ARHGEF3: variants seen among roughly 807,000 people sequenced by gnomAD.
The protein encoded by ARHGEF3 is 59.8 kDA protein.
ARHGEF3 carries 28 observed loss-of-function variants against 63.2 expected under a neutral mutation model. The ratio of observed to expected loss-of-function variants is 0.44; its 90% CI spans 0.33 to 0.61. The LOEUF (loss-of-function observed/expected upper bound fraction) is 0.61, where lower values mean the gene tolerates loss of function less well. Ranked by LOEUF, ARHGEF3 falls within the 20% of genes least tolerant of loss-of-function variation. ARHGEF3 has a pLI of 0.03. For missense variants in ARHGEF3, 533 were observed against 659.3 expected (o/e 0.81, Z 2.10); for synonymous variants, 266 against 254.2 (o/e 1.05, Z -0.44).
chr3:56,977,334 C>T (rs1701164831), intron 2 of ARHGEF3: 1 of 456,572 alleles, frequency 2.2e-6, no homozygotes, highest in South Asian at 1.5e-5. Flanking sequence ...GCCCCATTCT[C>T]TTGGGCCCCT....
At chr3:56,918,439 AAAG>A (rs1485309300) in intron 3 of ARHGEF3, among the ~76,000 whole-genome samples, 11 of 152,230 alleles carry the variant, frequency 7.2e-5, no homozygotes, top group African/African-American at 2.7e-4. Context: ...ACTGAATGGG[AAAG>A]AAGAACTGAA....
At chr3:56,919,596 C>T (rs1354035) in intron 3 of ARHGEF3, among the ~76,000 whole-genome samples, 41,988 of 152,024 alleles carry the variant, frequency 0.28, 6,484 homozygotes, top group Middle Eastern at 0.35. Flanking sequence ...TTCTCATTGT[C>T]CATTCCTCTT....
intron 4 of ARHGEF3, among the ~76,000 whole-genome samples, chr3:56,816,270 C>T (rs2038267114): frequency 6.6e-6 from 1 of 152,076 alleles, no homozygotes; most frequent in South Asian, 2.1e-4. Flanking sequence ...GATGCTAAAC[C>T]ACAGGCTTCT....
chr3:56,883,580 A>G (rs2040836104), intron 3 of ARHGEF3, among the ~76,000 whole-genome samples: 1 of 152,196 alleles, frequency 6.6e-6, no homozygotes, highest in Non-Finnish European at 1.5e-5. Flanking sequence ...TACAGGAGTG[A>G]ACCATTGAGC....
At chr3:56,787,534 A>G (rs767157797) in intron 1 of ARHGEF3, among the ~76,000 whole-genome samples, 1 of 152,100 alleles carries the variant, frequency 6.6e-6, no homozygotes, top group Non-Finnish European at 1.5e-5. Context: ...CATCTATGCC[A>G]TACAGCAACC....
chr3:56,957,943 A>T (rs1177380801), intron 3 of ARHGEF3, among the ~76,000 whole-genome samples: 5 of 152,166 alleles, frequency 3.3e-5, no homozygotes, highest in African/African-American at 9.7e-5. Context: ...TATCATCACT[A>T]TTATGCTGAG....
At chr3:57,026,398 C>G (rs1044064195) in intron 2 of ARHGEF3, among the ~76,000 whole-genome samples, 2 of 152,150 alleles carry the variant, frequency 1.3e-5, no homozygotes, top group African/African-American at 4.8e-5. Flanking sequence ...GAGACTCTGT[C>G]TCTTAAAATA....
chr3:56,844,969 T>G (rs2039437745), intron 4 of ARHGEF3, among the ~76,000 whole-genome samples: 2 of 152,164 alleles, frequency 1.3e-5, no homozygotes, highest in Admixed American at 6.5e-5. Flanking sequence ...GGTTATGTAC[T>G]CATATTTTGA....
intron 1 of ARHGEF3, among the ~76,000 whole-genome samples, chr3:56,799,521 G>C (rs2037536791): frequency 6.6e-6 from 1 of 152,152 alleles, no homozygotes; most frequent in Non-Finnish European, 1.5e-5. Flanking sequence ...AATACTTTCA[G>C]AGGAATTAAC....
intron 3 of ARHGEF3, among the ~76,000 whole-genome samples, chr3:56,898,884 G>A (rs1271521504): frequency 2.0e-5 from 3 of 151,984 alleles, no homozygotes; most frequent in South Asian, 2.1e-4. Context: ...GTGAAACCCC[G>A]TCTCTACTAA....
intron 2 of ARHGEF3, among the ~76,000 whole-genome samples, chr3:56,965,834 G>C (rs1700473016): frequency 6.6e-6 from 1 of 151,774 alleles, no homozygotes; most frequent in African/African-American, 2.4e-5. Flanking sequence ...ATTTTTATTA[G>C]AGATGTGGTT....
At chr3:56,992,375 TAAAAA>T (rs57740672) in intron 2 of ARHGEF3, among the ~76,000 whole-genome samples, 567 of 45,992 alleles carry the variant, frequency 0.012, 2 homozygotes, top group Non-Finnish European at 0.027. Context: ...AGGATGGCTT[TAAAAA>T]AAAAAAAAAA....
chr3:57,073,410 C>A (rs890799001), intron 1 of ARHGEF3: 2 of 357,992 alleles, frequency 5.6e-6, no homozygotes, highest in Admixed American at 8.6e-5. Context: ...AGTTGGGCAG[C>A]GTGGGAAGCT....
intron 7 of ARHGEF3, among the ~76,000 whole-genome samples, chr3:56,744,661 C>G (rs928461189): frequency 6.6e-6 from 1 of 152,030 alleles, no homozygotes; most frequent in Non-Finnish European, 1.5e-5. Context: ...CCACCTCGGC[C>G]TCCCAAAGTG....
intron 7 of ARHGEF3, among the ~76,000 whole-genome samples, chr3:56,739,964 A>T (rs182629742): frequency 3.1e-3 from 461 of 150,942 alleles, no homozygotes; most frequent in Non-Finnish European, 5.3e-3. Context: ...CAATGGCACG[A>T]TCTTGGCTCA....
chr3:56,906,428 C>T (rs2108322824), intron 3 of ARHGEF3, among the ~76,000 whole-genome samples: 1 of 152,298 alleles, frequency 6.6e-6, no homozygotes, highest in South Asian at 2.1e-4. Flanking sequence ...TGTGGCTAGT[C>T]TGAATTGAGA....
intron 6 of ARHGEF3, among the ~76,000 whole-genome samples, chr3:56,745,802 G>A (rs1360253761): frequency 6.6e-6 from 1 of 152,096 alleles, no homozygotes; most frequent in Non-Finnish European, 1.5e-5. Context: ...CTCCTGAGTA[G>A]CTGGGACTAC....
intron 1 of ARHGEF3, chr3:57,073,319 T>C (rs1434496077): frequency 5.4e-6 from 1 of 183,726 alleles, no homozygotes; most frequent in Admixed American, 5.4e-5. Context: ...ATGTTTACGT[T>C]TATGTTCAAT....
At chr3:56,990,541 A>G (rs897641593) in intron 2 of ARHGEF3, among the ~76,000 whole-genome samples, 3 of 152,198 alleles carry the variant, frequency 2.0e-5, no homozygotes, top group Admixed American at 2.0e-4. Context: ...AGCTGAGATC[A>G]TGCCACTACC....
Sources: allele counts gnomAD v4.1 joint callset (sites outside exome capture counted in the v4.1 genomes callset), GRCh38; gene constraint gnomAD v4.1.1; transcripts MANE v1.5; gene names NCBI Gene and HGNC (gene_info 2026-07-23, HGNC 2026-07-21).